Variants in KCTD19 observed in about 807,000 individuals in gnomAD.
The protein encoded by KCTD19 is BTB/POZ domain-containing protein KCTD19.
Under a neutral mutation model 103.5 loss-of-function variants are expected in KCTD19, and 67 were observed. The observed-to-expected ratio is 0.65, with a 90% CI of 0.53 to 0.79. KCTD19 has a LOEUF of 0.79. Ranked by LOEUF, KCTD19 falls within the 30% of genes least tolerant of loss-of-function variation. The probability of loss-of-function intolerance (pLI) is 0.00; values close to 1 mark genes in which losing one functional copy is unlikely to be tolerated. For synonymous variants in KCTD19, 439 were observed against 452.2 expected, an observed-to-expected ratio of 0.97 and a Z score of 0.37; for missense variants, 980 against 1,136.1, an observed-to-expected ratio of 0.86 and a Z score of 1.98.
intron 15 of KCTD19, 61 bp downstream of exon 15, chr16:67,290,824 C>A: frequency 1.4e-6 from 2 of 1,437,340 alleles, no homozygotes; most frequent in Non-Finnish European, 1.9e-6. Flanking sequence ...CAGCAAGACA[C>A]ACGTCCATCT....
At chr16:67,305,475 C>A in intron 2 of KCTD19, 1 of 367,426 alleles carries the variant, frequency 2.7e-6, no homozygotes, top group South Asian at 2.0e-5. Flanking sequence ...CTTCCAAGTC[C>A]AGAGCTTGTC....
intron 7 of KCTD19, 36 bp from the exon 8 acceptor site, chr16:67,296,295 T>A (rs750680026): frequency 4.5e-6 from 6 of 1,345,326 alleles, no homozygotes; most frequent in Non-Finnish European, 5.3e-6. Flanking sequence ...CATCATCATA[T>A]GGCCAGAAGG....
At position 67,289,510 on chromosome 16, in the gene KCTD19, A is replaced by C; in HGVS notation, c.*59T>G. 3.1e-6 allele frequency: 3 copies of C among 978,726 alleles called. No homozygotes were observed. The highest frequency in any genetic ancestry group is 3.3e-6 in the Non-Finnish European group (2 of 604,522). 60.6% of individuals were successfully genotyped at this position (978,726 alleles called of 1,614,324 possible). On this transcript the variant is annotated 3_prime_UTR_variant, in exon 16 of 16. Coordinates refer to ENST00000304372, the MANE Select transcript of KCTD19 (RefSeq NM_001100915.3). ...CTGATGGGCACATGCATTCTGGGCT[A>C]TCTCCAATTAAAATGAGACTTGGCG...
intron 2 of KCTD19, among the ~76,000 whole-genome samples, chr16:67,319,507 G>A (rs1194019407): frequency 6.6e-6 from 1 of 152,020 alleles, no homozygotes; most frequent in East Asian, 1.9e-4. Flanking sequence ...ATGTTCAATG[G>A]TCCTTCCCAG....
chr16:67,316,942 G>C (rs1430033608), intron 2 of KCTD19, among the ~76,000 whole-genome samples: 1 of 152,180 alleles, frequency 6.6e-6, no homozygotes, highest in East Asian at 1.9e-4. Context: ...ATCTTGTGCT[G>C]CTTGTTGATC....
chr16:67,294,258 G>T, intron 11 of KCTD19, 87 bp from the exon 12 acceptor site: 1 of 1,340,808 alleles, frequency 7.5e-7, no homozygotes, highest in Non-Finnish European at 1.0e-6. Context: ...GGGCCTCCAA[G>T]ACTTCACTTG....
At chr16:67,317,627 T>A (rs2037026522) in intron 2 of KCTD19, among the ~76,000 whole-genome samples, 1 of 152,250 alleles carries the variant, frequency 6.6e-6, no homozygotes, top group Non-Finnish European at 1.5e-5. Context: ...ATTCTGAATA[T>A]ATTGAATAAT....
Position 67,289,678 on chromosome 16 carries a change from G to A in KCTD19, c.2672C>T (p.Thr891Ile), listed in dbSNP as rs781644473. 6.2e-6 allele frequency: 10 copies of A among 1,612,110 alleles called. No individual in the cohort carries two copies. Among genetic ancestry groups the A allele is most frequent in the Non-Finnish European group, 6.8e-6 (8 of 1,178,416 alleles). ...QERLYSWVEL[T>I]LPFARKYGRC... ...GCCATATTTCCTGGCGAAGGGCAGTGTAAGCTGGAAGGAAAGGCCAGTCTT... is the reference window on the plus strand; with the variant it reads ...GCCATATTTCCTGGCGAAGGGCAGTATAAGCTGGAAGGAAAGGCCAGTCTT... Residue 891 changes from threonine to isoleucine, a missense_variant, in exon 16 of 16, where the codon ACA becomes ATA. Transcript: ENST00000304372.
chr16:67,297,168 G>A (rs2036773816), intron 7 of KCTD19, among the ~76,000 whole-genome samples: 1 of 152,084 alleles, frequency 6.6e-6, no homozygotes, highest in African/African-American at 2.4e-5. Flanking sequence ...TGGACCCAGG[G>A]ACAGCTCTGT....
chr16:67,304,570 G>A lies in KCTD19; in HGVS notation c.302C>T (p.Thr101Ile). The A allele has an allele frequency of 6.2e-7, 1 of 1,612,166 alleles. No homozygotes were observed. Among genetic ancestry groups the A allele is most frequent in the Non-Finnish European group, 8.5e-7 (1 of 1,178,272 alleles). Residue 101 changes from threonine to isoleucine, a missense_variant and splice_region_variant, in exon 3 of 16, where the codon ACT (threonine) becomes ATT (isoleucine). Transcript: ENST00000304372. ...LGLQLMPLLQ[T>I]LDNLKEGKHH... is the part of the protein sequence containing the mutation. ...TTTCCCTTCCTTCAGGTTATCTAGA[G>A]TCTGTTAGATAATGAAGAGTACTAT...
Position 67,293,434 on chromosome 16 carries a change from A to C in KCTD19, c.2218+110T>G. On this transcript the variant is annotated intron_variant, in intron 12 of 15. Coordinates refer to ENST00000304372, the MANE Select transcript of KCTD19 (RefSeq NM_001100915.3). The surrounding 1 kb of genome is among the most constrained non-coding windows in gnomAD (Gnocchi z 4.0). ...GCCTGGCACAGAGATGGCATTGGTG[A>C]GCGGGGGGGTCTAGTCCTCCTTTGT... 1 of 1,201,016 alleles carries C rather than the reference A, an allele frequency of 8.3e-7. No individual in the cohort carries two copies. The highest frequency in any genetic ancestry group is 1.2e-6 in the Non-Finnish European group (1 of 847,338). 74.4% of individuals were successfully genotyped at this position (1,201,016 alleles called of 1,614,324 possible). A position where few individuals can be genotyped will look rare whatever the true frequency, so the allele number is the denominator to read the frequency against.
rs758427479 is a variant in KCTD19 at position 67,294,634 on chromosome 16, A to T, written c.1536T>A (p.His512Gln). ...NEEAFSIRRL[H>Q]VVTEGPGSLV... is the part of the protein sequence containing the mutation. The stretch of plus-strand genomic sequence containing the variant: ...GTGACCCTGGCCCTTCTGTCACCAC[A>T]TGCAGCCTCCTGATGGAAAAAGCTT... Residue 512 changes from histidine (H) to glutamine (Q), a missense_variant, in exon 11 of 16, where the codon CAT (histidine) becomes CAA (glutamine). Physicochemically the swap from His to Gln is conservative, Grantham distance 24. Transcript: ENST00000304372. 6 of 1,614,182 alleles carry T rather than the reference A, an allele frequency of 3.7e-6. No individual in the cohort carries two copies. The highest frequency in any genetic ancestry group is 1.6e-4 in the Middle Eastern group (1 of 6,062).
intron 12 of KCTD19, among the ~76,000 whole-genome samples, chr16:67,292,545 T>G (rs1480241264): frequency 1.3e-5 from 2 of 152,330 alleles, no homozygotes; most frequent in African/African-American, 4.8e-5. Flanking sequence ...AGTGGACATT[T>G]GTCATCCCAA....
chr16:67,326,609 C>A (rs2037178209), intron 1 of KCTD19, 96 bp downstream of exon 1: 2 of 1,505,250 alleles, frequency 1.3e-6, no homozygotes, highest in African/African-American at 2.8e-5. Flanking sequence ...TGCCCCAGAG[C>A]CAGGTCTCGA....
intron 2 of KCTD19, among the ~76,000 whole-genome samples, chr16:67,311,514 G>A (rs1300047180): frequency 1.3e-5 from 2 of 152,042 alleles, no homozygotes; most frequent in African/African-American, 2.4e-5. Flanking sequence ...TCTTGGCCAA[G>A]TTGGTCTCAA....
chr16:67,306,043 G>C lies in KCTD19; in HGVS notation c.301-1472C>G, dbSNP rs536595375. 2.0e-5 allele frequency among the ~76,000 whole-genome samples: 3 copies of C among 152,304 alleles called. No individual in the cohort carries two copies. The South Asian group carries it at 6.2e-4, about 32-fold the overall frequency. On this transcript the variant is annotated intron_variant, in intron 2 of 15. Coordinates refer to ENST00000304372, the MANE Select transcript of KCTD19 (RefSeq NM_001100915.3). ...GCTTTCCTGTGGCAGTGAACAATGG[G>C]GGAGACAGTGTGTGCGTGGAACGCT...
At position 67,295,574 on chromosome 16, in the gene KCTD19, G is replaced by T; in HGVS notation, c.1249-169C>A. ...ACCATGGTGGGGAGCAGAGCTTCCA[G>T]GGAGAAGCACATCATCCCTGCTTCA... is the stretch of plus-strand genomic sequence containing the variant. On this transcript the variant is annotated intron_variant, in intron 8 of 15. Coordinates refer to ENST00000304372, the MANE Select transcript of KCTD19 (RefSeq NM_001100915.3). 6.5e-6 allele frequency: 4 copies of T among 615,360 alleles called. No individual in the cohort carries two copies. The South Asian group carries it at 9.5e-5, about 15-fold the overall frequency. The allele number at this position is 615,360 out of a possible 1,614,324, so 38.1% of individuals were successfully genotyped here.
At chr16:67,304,613 AG>A in intron 2 of KCTD19, 42 bp from the exon 3 acceptor site, 1 of 1,541,940 alleles carries the variant, frequency 6.5e-7, no homozygotes, top group Non-Finnish European at 9.0e-7. Context: ...ATCTAAACCA[AG>A]TAACTATGTA....
At chr16:67,325,199 C>CTTTTTT (rs918808425) in intron 1 of KCTD19, among the ~76,000 whole-genome samples, 16 of 132,328 alleles carry the variant, frequency 1.2e-4, no homozygotes, top group African/African-American at 3.4e-4. Flanking sequence ...TTCTTTTTTT[C>CTTTTTT]TTTTTTTCTT....
Sources: gnomAD v4.1 joint callset for allele counts (sites outside exome capture counted in the v4.1 genomes callset) on GRCh38, gnomAD v4.1.1 for gene constraint, Gnocchi (gnomAD v3.1) non-coding constraint, MANE v1.5 for transcripts, NCBI Gene and HGNC (gene_info 2026-07-23, HGNC 2026-07-21) for gene names.